Variants in HORMAD2 observed in about 807,000 individuals in gnomAD.
The protein encoded by HORMAD2 is HORMA domain containing 2.
Under a neutral mutation model 38.8 loss-of-function variants are expected in HORMAD2, and 45 were observed. The ratio of observed to expected loss-of-function variants is 1.16; its 90% CI spans 0.91 to 1.49. The LOEUF is 1.49. HORMAD2 is among the 40% of genes most tolerant of loss of function. The pLI is 0.00. For synonymous variants in HORMAD2, 126 were observed against 122.8 expected (o/e 1.03, Z -0.17); for missense variants, 338 against 367.0 (o/e 0.92, Z 0.65).
the HORMAD2 span, among the ~76,000 whole-genome samples, chr22:30,198,508 C>CT: frequency 9.3e-5 from 14 of 149,746 alleles, no homozygotes; most frequent in Non-Finnish European, 1.3e-4. Flanking sequence ...GAGCACAGAT[C>CT]TTTTTTTTTT....
intron 10 of HORMAD2, 74 bp downstream of exon 10, chr22:30,122,288 C>T (rs1922515703): frequency 3.6e-6 from 5 of 1,408,216 alleles, no homozygotes; most frequent in Non-Finnish European, 4.8e-6. Context: ...CTACCCAGGG[C>T]ATGCACGTGG....
At chr22:30,121,590 C>A (rs1228899130) in intron 8 of HORMAD2, 42 bp from the exon 9 acceptor site, 1 of 1,473,262 alleles carries the variant, frequency 6.8e-7, no homozygotes. Flanking sequence ...TAGATTGCCA[C>A]TATTGTATAT....
chr22:30,111,867 T>C, intron 6 of HORMAD2, 51 bp downstream of exon 6: 1 of 1,436,162 alleles, frequency 7.0e-7, no homozygotes, highest in Non-Finnish European at 9.5e-7. Flanking sequence ...TTTCATTGTC[T>C]TTTGGCAAGT....
intron 6 of HORMAD2, 124 bp from the exon 7 acceptor site, chr22:30,112,372 C>A (rs1368446004): frequency 1.7e-6 from 1 of 604,524 alleles, no homozygotes; most frequent in South Asian, 2.0e-5. Context: ...CTATCTCTAG[C>A]TTAAAATATA....
At chr22:30,195,661 C>A in the HORMAD2 span, among the ~76,000 whole-genome samples, 5 of 152,242 alleles carry the variant, frequency 3.3e-5, no homozygotes, top group Non-Finnish European at 5.9e-5. Context: ...CAACCAATCT[C>A]ATTTTGTAGA....
At chr22:30,123,956 G>A (rs1404261477) in intron 10 of HORMAD2, among the ~76,000 whole-genome samples, 1 of 151,402 alleles carries the variant, frequency 6.6e-6, no homozygotes, top group Non-Finnish European at 1.5e-5. Flanking sequence ...ACCACACCTG[G>A]TTAGATTTTT....
rs761745475 is a variant in HORMAD2 at position 30,121,808 on chromosome 22, G to A, written c.568+19G>A. On this transcript the variant is annotated intron_variant, in intron 9 of 10. Coordinates refer to ENST00000336726, the MANE Select transcript of HORMAD2 (RefSeq NM_152510.4). ...AATGCAGGTAGGTAGAGAACTTTAG[G>A]CAAATTCCTCCTTAAGTGCTGAGCT... The A allele has an allele frequency of 3.1e-6, 5 of 1,594,692 alleles. No individual in the cohort carries two copies. The highest frequency in any genetic ancestry group is 3.4e-6 in the Non-Finnish European group (4 of 1,173,086).
At chr22:30,204,306 G>C in the HORMAD2 span, among the ~76,000 whole-genome samples, 2 of 152,180 alleles carry the variant, frequency 1.3e-5, no homozygotes, top group African/African-American at 4.8e-5. Context: ...GATCAGTGTG[G>C]TCCTCACAGT....
intron 2 of HORMAD2, among the ~76,000 whole-genome samples, chr22:30,097,040 A>C (rs755826976): frequency 9.9e-5 from 15 of 152,224 alleles, no homozygotes; most frequent in Non-Finnish European, 2.1e-4. Context: ...CTTTAAAATT[A>C]TAATGTATTG....
chr22:30,200,524 T>C, the HORMAD2 span, among the ~76,000 whole-genome samples: 1 of 152,018 alleles, frequency 6.6e-6, no homozygotes, highest in Non-Finnish European at 1.5e-5. Flanking sequence ...TTTGGGGTGT[T>C]TATCTTGTGT....
At chr22:30,202,455 A>AT in the HORMAD2 span, among the ~76,000 whole-genome samples, 1 of 151,586 alleles carries the variant, frequency 6.6e-6, no homozygotes. Flanking sequence ...AAAAAAAAAA[A>AT]GATTGAAATG....
At chr22:30,177,640 G>A (rs1926530388), downstream of HORMAD2, among the ~76,000 whole-genome samples, 1 of 151,434 alleles carries the variant, frequency 6.6e-6, no homozygotes, top group Admixed American at 6.6e-5. Flanking sequence ...AGAGGAATTA[G>A]GTTTGTGTCT....
At chr22:30,190,241 T>C in the HORMAD2 span, among the ~76,000 whole-genome samples, 1 of 152,196 alleles carries the variant, frequency 6.6e-6, no homozygotes, top group East Asian at 1.9e-4. Flanking sequence ...TCTACTAAAG[T>C]AATTTCAGGG....
At chr22:30,140,145 T>G (rs1281915645) in intron 10 of HORMAD2, among the ~76,000 whole-genome samples, 1 of 152,116 alleles carries the variant, frequency 6.6e-6, no homozygotes, top group African/African-American at 2.4e-5. Context: ...ACACCTGTAA[T>G]CCCAGCTACT....
At chr22:30,147,374 T>G (rs77456876) in intron 10 of HORMAD2, among the ~76,000 whole-genome samples, 19 of 150,658 alleles carry the variant, frequency 1.3e-4, no homozygotes, top group Non-Finnish European at 2.2e-4. Context: ...AAAGGTGGGG[T>G]TTTTTTTTAA....
chr22:30,092,472 G>C (rs2068709097), intron 1 of HORMAD2, among the ~76,000 whole-genome samples: 1 of 149,500 alleles, frequency 6.7e-6, no homozygotes, highest in Non-Finnish European at 1.5e-5. Context: ...TCACTCTGTT[G>C]GTTATTTACT....
chr22:30,139,613 GGC>G (rs1435730191), intron 10 of HORMAD2, among the ~76,000 whole-genome samples: 2 of 151,636 alleles, frequency 1.3e-5, no homozygotes, highest in Non-Finnish European at 2.9e-5. Flanking sequence ...TAATTGCCCT[GGC>G]TAGAACCTCC....
chr22:30,118,916 C>A, intron 7 of HORMAD2, 64 bp from the exon 8 acceptor site: 1 of 1,065,572 alleles, frequency 9.4e-7, no homozygotes, highest in Non-Finnish European at 1.4e-6. Flanking sequence ...TACTTATGAT[C>A]AGGTAAGATT....
At chr22:30,084,491 A>G (rs1471169456) in intron 1 of HORMAD2, among the ~76,000 whole-genome samples, 2 of 152,228 alleles carry the variant, frequency 1.3e-5, no homozygotes, top group Non-Finnish European at 2.9e-5. Flanking sequence ...TGGGATACAC[A>G]TTCAAACCAT....
Sources: allele counts gnomAD v4.1 joint callset (sites outside exome capture counted in the v4.1 genomes callset), GRCh38; gene constraint gnomAD v4.1.1; transcripts MANE v1.5; gene names NCBI Gene and HGNC (gene_info 2026-07-23, HGNC 2026-07-21).